CPXM2: variants seen among roughly 807,000 people sequenced by gnomAD.
CPXM2 encodes the protein inactive carboxypeptidase-like protein X2.
CPXM2 carries 66 observed loss-of-function variants against 86.1 expected under a neutral mutation model. That is an observed-to-expected ratio of 0.77 (90% confidence interval 0.63 to 0.94). The LOEUF (loss-of-function observed/expected upper bound fraction) is 0.94, where lower values mean the gene tolerates loss of function less well. CPXM2 is among the 40% of genes least tolerant of loss of function. The pLI is 0.00. For missense variants in CPXM2, 948 were observed against 1,026.3 expected, an observed-to-expected ratio of 0.92 and a Z score of 1.04; for synonymous variants, 388 against 400.2, an observed-to-expected ratio of 0.97 and a Z score of 0.36.
At chr10:123,816,154 AG>A (rs1282713379) in intron 4 of CPXM2, among the ~76,000 whole-genome samples, 1 of 152,174 alleles carries the variant, frequency 6.6e-6, no homozygotes, top group Non-Finnish European at 1.5e-5. Context: ...CATCCCAGCT[AG>A]GAGGGTCCAG....
At position 123,885,394 on chromosome 10, in the gene CPXM2, C is replaced by T. The variant is rs1175458542; in HGVS notation, c.305-5085G>A. On this transcript the variant is annotated intron_variant, in intron 1 of 13. Coordinates refer to ENST00000241305, the MANE Select transcript of CPXM2 (RefSeq NM_198148.3). This position sits in a 1 kb window ranked among gnomAD's most constrained non-coding sequence, Gnocchi z 4.0. Reference sequence around the variant, plus strand: ...GTGAGGAACTGATGCTTGGAGAAGTCACAAATGCCCATGAGTGGCAGAACC... The same window carrying T: ...GTGAGGAACTGATGCTTGGAGAAGTTACAAATGCCCATGAGTGGCAGAACC... 6.6e-6 allele frequency among the ~76,000 whole-genome samples: 1 copy of T among 152,152 alleles called. No homozygotes were observed. Among genetic ancestry groups the T allele is most frequent in the African/African-American group, 2.4e-5 (1 of 41,418 alleles).
intron 4 of CPXM2, among the ~76,000 whole-genome samples, chr10:123,804,277 T>A (rs80258137): frequency 0.019 from 2,904 of 152,296 alleles, 91 homozygotes; most frequent in African/African-American, 0.062. Flanking sequence ...GCTTGTCAAT[T>A]TCTAAAACAA....
At chr10:123,791,764 AC>A (rs1847212111) in intron 6 of CPXM2, among the ~76,000 whole-genome samples, 1 of 152,188 alleles carries the variant, frequency 6.6e-6, no homozygotes, top group South Asian at 2.1e-4. Flanking sequence ...ATCTACAAGG[AC>A]CCTGTTTCTA....
At chr10:123,792,046 G>A (rs1847217221) in intron 6 of CPXM2, among the ~76,000 whole-genome samples, 1 of 152,212 alleles carries the variant, frequency 6.6e-6, no homozygotes, top group African/African-American at 2.4e-5. Context: ...CACAGGGAGA[G>A]GCTTTGGCAT....
At chr10:123,901,793 A>G (rs949653738) in intron 2 of CPXM2, among the ~76,000 whole-genome samples, 1 of 152,206 alleles carries the variant, frequency 6.6e-6, no homozygotes, top group Admixed American at 6.5e-5. Context: ...ATCAGAGTTC[A>G]CCTGCTTGTG....
At chr10:123,821,633 C>G (rs1331749812) in intron 4 of CPXM2, among the ~76,000 whole-genome samples, 1 of 152,170 alleles carries the variant, frequency 6.6e-6, no homozygotes, top group East Asian at 1.9e-4. Flanking sequence ...GTCTGCATGT[C>G]CAACAATGGC....
intron 2 of CPXM2, among the ~76,000 whole-genome samples, chr10:123,923,865 G>T (rs1358527845): frequency 1.3e-5 from 2 of 152,176 alleles, no homozygotes; most frequent in East Asian, 1.9e-4. Context: ...TGTGAGACAT[G>T]CCTTTCACCT....
chr10:123,917,033 C>A (rs1317561529), intron 2 of CPXM2, among the ~76,000 whole-genome samples: 1 of 151,800 alleles, frequency 6.6e-6, no homozygotes, highest in Non-Finnish European at 1.5e-5. Flanking sequence ...GAGGGGAAGC[C>A]AGGACAGGAA....
intron 2 of CPXM2, among the ~76,000 whole-genome samples, chr10:123,897,531 A>C (rs1945347530): frequency 6.6e-6 from 1 of 152,222 alleles, no homozygotes; most frequent in African/African-American, 2.4e-5. Flanking sequence ...AGGCAACCCG[A>C]GATGAGCTTG....
chr10:123,890,047 C>A (rs1191286481), intron 1 of CPXM2, among the ~76,000 whole-genome samples: 1 of 152,214 alleles, frequency 6.6e-6, no homozygotes, highest in Non-Finnish European at 1.5e-5. Context: ...GAGCAAGTTA[C>A]TTAAACTGTC....
At chr10:123,791,852 C>T (rs765419832) in intron 6 of CPXM2, among the ~76,000 whole-genome samples, 12 of 152,194 alleles carry the variant, frequency 7.9e-5, no homozygotes, top group East Asian at 1.9e-4. Flanking sequence ...TCAGTCGTGG[C>T]GAGCCCTGAA....
chr10:123,865,462 GAGA>G lies in CPXM2; in HGVS notation c.404-2742_404-2740del, dbSNP rs1388051876. 6.6e-6 allele frequency among the ~76,000 whole-genome samples: 1 copy of G among 152,184 alleles called. No homozygotes were observed. Among genetic ancestry groups the G allele is most frequent in the Non-Finnish European group, 1.5e-5 (1 of 68,028 alleles). On this transcript the variant is annotated intron_variant, in intron 2 of 13. Coordinates refer to ENST00000241305, the MANE Select transcript of CPXM2 (RefSeq NM_198148.3). This position sits in a 1 kb window ranked among gnomAD's most constrained non-coding sequence, Gnocchi z 4.7. ...AGAAATGAGAGGGATGGCAGAAAGT[GAGA>G]AGGACAGAGGCGGGACACAGGACAC...
At chr10:123,791,003 A>G (rs1297923863) in intron 6 of CPXM2, among the ~76,000 whole-genome samples, 1 of 151,968 alleles carries the variant, frequency 6.6e-6, no homozygotes, top group East Asian at 1.9e-4. Context: ...ACGGTGGGAG[A>G]CAGTAAGTTA....
rs1846163833 is a variant in CPXM2 at position 123,754,741 on chromosome 10, A to G, written c.1939T>C (p.Leu647=). 3 of 1,608,076 alleles carry G rather than the reference A, an allele frequency of 1.9e-6. No homozygotes were observed. Among genetic ancestry groups the G allele is most frequent in the Non-Finnish European group, 1.7e-6 (2 of 1,174,536 alleles). ...MEQVHRGIKG[L]VRDSHGKGIP... is the part of the protein sequence containing the mutation. ...CCTTTTCCATGTGAATCTCTCACCA[A>G]GCCTTTAATGCCACGATGAACCTGC... The change falls in exon 13 of 14, where the codon TTG becomes CTG. Residue 647 remains leucine, a synonymous_variant. Transcript: ENST00000241305. The surrounding 1 kb of genome is among the most constrained non-coding windows in gnomAD (Gnocchi z 4.0).
At chr10:123,807,232 C>T (rs537658273) in intron 4 of CPXM2, among the ~76,000 whole-genome samples, 9 of 152,214 alleles carry the variant, frequency 5.9e-5, no homozygotes, top group Non-Finnish European at 1.3e-4. Context: ...CCTCCAAACA[C>T]TTCCAGGGTG....
At chr10:123,880,621 A>G (rs539914148) in intron 1 of CPXM2, among the ~76,000 whole-genome samples, 2 of 152,156 alleles carry the variant, frequency 1.3e-5, no homozygotes, top group East Asian at 1.9e-4. Context: ...CAAGGTCAGG[A>G]GATCAAGACC....
intron 2 of CPXM2, among the ~76,000 whole-genome samples, chr10:123,906,474 C>T: frequency 6.6e-6 from 1 of 152,152 alleles, no homozygotes; most frequent in Non-Finnish European, 1.5e-5. Flanking sequence ...CACTGTTCCC[C>T]AAACACCCTT....
intron 1 of CPXM2, among the ~76,000 whole-genome samples, chr10:123,890,459 G>A (rs562460617): frequency 1.3e-5 from 2 of 152,312 alleles, no homozygotes; most frequent in Non-Finnish European, 2.9e-5. Context: ...TTCCATACCC[G>A]GAGCCCTGTA....
At chr10:123,884,601 CG>C (rs145117686) in intron 1 of CPXM2, among the ~76,000 whole-genome samples, 3 of 152,068 alleles carry the variant, frequency 2.0e-5, no homozygotes, top group African/African-American at 7.2e-5. Flanking sequence ...GACGGGAGCC[CG>C]GGGGGAGGCT....
Sources: gnomAD v4.1 joint callset for allele counts (sites outside exome capture counted in the v4.1 genomes callset) on GRCh38, gnomAD v4.1.1 for gene constraint, Gnocchi (gnomAD v3.1) non-coding constraint, MANE v1.5 for transcripts, NCBI Gene and HGNC (gene_info 2026-07-23, HGNC 2026-07-21) for gene names.